Variants in TMC6 observed in about 807,000 individuals in gnomAD.
The protein encoded by TMC6 is transmembrane channel like 6.
In TMC6, 71 loss-of-function variants were observed where a neutral mutation model predicts 95.4. The observed-to-expected ratio is 0.74, with a 90% CI of 0.61 to 0.91. The LOEUF (loss-of-function observed/expected upper bound fraction) is 0.91. Among genes scored for constraint, TMC6 ranks in the 40% least tolerant of loss-of-function variants. The pLI, the probability that TMC6 is intolerant of heterozygous loss-of-function variation, is 0.00. For missense variants in TMC6, 1,074 were observed against 1,079.1 expected (o/e 1.00, Z 0.07); for synonymous variants, 514 against 483.1 (o/e 1.06, Z -0.84).
At position 78,117,622 on chromosome 17, in the gene TMC6, C is replaced by G. The variant is rs1234426664; in HGVS notation, c.2044G>C (p.Gly682Arg). The change falls in exon 17 of 20, where the codon GGC (glycine) becomes CGC (arginine). Residue 682 changes from glycine to arginine, a missense_variant. Coordinates refer to ENST00000590602, the MANE Select transcript of TMC6 (RefSeq NM_001127198.5). ...VWQVKPSSTC[G>R]PFRTLDTMYE... ...ATGGTGTCCAGGGTCCGGAAGGGGC[C>G]GCAGGTGCTCGAGGGCTTCACCCTG... 1 of 1,574,704 alleles carries G rather than the reference C, an allele frequency of 6.4e-7. No individual in the cohort carries two copies. Among genetic ancestry groups the G allele is most frequent in the Non-Finnish European group, 8.6e-7 (1 of 1,161,186 alleles).
intron 18 of TMC6, among the ~76,000 whole-genome samples, chr17:78,115,277 G>A (rs552278689): frequency 9.7e-4 from 147 of 152,284 alleles, no homozygotes; most frequent in African/African-American, 3.3e-3. Context: ...GCTGCACCCC[G>A]CCCTGCCCTC....
intron 18 of TMC6, among the ~76,000 whole-genome samples, chr17:78,114,220 C>G (rs1281475868): frequency 2.6e-5 from 4 of 152,148 alleles, no homozygotes; most frequent in Admixed American, 1.3e-4. Flanking sequence ...CAGCCCTTTC[C>G]TCCACTTCAA....
chr17:78,131,990 G>A, upstream of TMC6: 1 of 1,528,080 alleles, frequency 6.5e-7, no homozygotes, highest in East Asian at 2.5e-5. Context: ...GGCTGGCCCG[G>A]GGCCTTGGGC....
In TMC6 at chr17:78,128,592, C is replaced by T. The variant is rs2074862792; in HGVS notation, c.-75+20G>A. 2 of 152,432 alleles carry T rather than the reference C, an allele frequency of 1.3e-5. No homozygotes were observed. Among genetic ancestry groups the T allele is most frequent in the African/African-American group, 4.8e-5 (2 of 41,456 alleles). 9.4% of individuals were successfully genotyped at this position (152,432 alleles called of 1,614,324 possible). A position where few individuals can be genotyped will look rare whatever the true frequency, so the allele number is the denominator to read the frequency against. On this transcript the variant is annotated intron_variant, in intron 1 of 19. Coordinates refer to ENST00000590602, the MANE Select transcript of TMC6 (RefSeq NM_001127198.5). This position sits in a 1 kb window ranked among gnomAD's most constrained non-coding sequence, Gnocchi z 4.0. ...CAGCTGGGGCTGGCGGGACCCGGGA[C>T]CGGGATCGCGGCCGCTCACCTGGGA...
upstream of TMC6, chr17:78,131,242 A>C (rs564787761): frequency 2.1e-5 from 9 of 427,120 alleles, no homozygotes; most frequent in African/African-American, 1.2e-4. Flanking sequence ...GCCGGTCCAG[A>C]CTTTCTGTGC....
upstream of TMC6, chr17:78,131,871 C>A (rs995531927): frequency 3.1e-5 from 45 of 1,458,828 alleles, no homozygotes; most frequent in South Asian, 1.4e-5. Context: ...CCTGTCACCA[C>A]CCCCGTCCAG....
intron 18 of TMC6, among the ~76,000 whole-genome samples, chr17:78,114,454 A>C (rs1228281640): frequency 6.6e-6 from 1 of 152,120 alleles, no homozygotes; most frequent in Non-Finnish European, 1.5e-5. Context: ...ATCCAGTCTT[A>C]GGACGGGGAC....
intron 9 of TMC6, 125 bp downstream of exon 9, chr17:78,123,864 G>A: frequency 1.6e-6 from 2 of 1,289,006 alleles, no homozygotes; most frequent in Non-Finnish European, 2.2e-6. Context: ...TAGGTGAGTG[G>A]ATGAGAGCAG....
In TMC6 at chr17:78,119,657, CAG is replaced by C. The variant is rs2074311347; in HGVS notation, c.1716-267_1716-266del. On this transcript the variant is annotated intron_variant, in intron 13 of 19. Transcript: ENST00000590602. ...CCAAATGATTTTTTCTTTTTTGAAACAGGGTCTGGCTCTGTTGTCCGGGCTGG... is the reference window on the plus strand; with the variant it reads ...CCAAATGATTTTTTCTTTTTTGAAACGGTCTGGCTCTGTTGTCCGGGCTGG... 6 of 515,982 alleles carry C rather than the reference CAG, an allele frequency of 1.2e-5. No individual in the cohort carries two copies. The East Asian group carries it at 2.2e-4, about 19-fold the overall frequency. The allele number at this position is 515,982 out of a possible 1,614,324, so 32.0% of individuals were successfully genotyped here. A position where few individuals can be genotyped will look rare whatever the true frequency, so the allele number is the denominator to read the frequency against.
Position 78,112,811 on chromosome 17 carries a change from A to C in TMC6, c.*337T>G. On this transcript the variant is annotated 3_prime_UTR_variant, in exon 20 of 20. Coordinates refer to ENST00000590602, the MANE Select transcript of TMC6 (RefSeq NM_001127198.5). ...GGCTTGGCCAGCAGAGGGCGCCCCC[A>C]CTCCAGCTGAGGTTCCCAGGACCCA... 5.0e-6 allele frequency: 2 copies of C among 402,730 alleles called. No individual in the cohort carries two copies. Among genetic ancestry groups the C allele is most frequent in the Admixed American group, 4.3e-5 (1 of 23,282 alleles). The allele number at this position is 402,730 out of a possible 1,614,324, so 24.9% of individuals were successfully genotyped here.
At chr17:78,119,271 G>A in intron 14 of TMC6, 26 bp downstream of exon 14, 2 of 1,612,970 alleles carry the variant, frequency 1.2e-6, no homozygotes, top group Middle Eastern at 1.7e-4. Context: ...GGGCCAGACA[G>A]TAGGAGGCAA....
chr17:78,109,128 T>C lies in TMC6; in HGVS notation c.*4020A>G, dbSNP rs2073772486. On this transcript the variant is annotated 3_prime_UTR_variant, in exon 20 of 20. Coordinates refer to ENST00000590602, the MANE Select transcript of TMC6 (RefSeq NM_001127198.5). ...GCCCAGCCTTTGTTGTTGTTGTTGT[T>C]GCTGCTATTTTGGCAACATCACGGC... The C allele has an allele frequency of 3.7e-6, 1 of 269,868 alleles. No individual in the cohort carries two copies. Among genetic ancestry groups the C allele is most frequent in the Non-Finnish European group, 7.4e-6 (1 of 135,968 alleles). The allele number at this position is 269,868 out of a possible 1,614,324, so 16.7% of individuals were successfully genotyped here.
intron 15 of TMC6, among the ~76,000 whole-genome samples, chr17:78,118,595 G>A (rs1444526878): frequency 6.6e-6 from 1 of 152,172 alleles, no homozygotes; most frequent in Non-Finnish European, 1.5e-5. Flanking sequence ...GCCAGGATGG[G>A]AAGAAAGGTC....
upstream of TMC6, among the ~76,000 whole-genome samples, chr17:78,129,972 T>G (rs1490185948): frequency 6.6e-6 from 1 of 152,088 alleles, no homozygotes; most frequent in Non-Finnish European, 1.5e-5. The surrounding 1 kb of genome is among the most constrained non-coding windows in gnomAD (Gnocchi z 4.3). Flanking sequence ...CAGAAAGGAC[T>G]CTGGAAACCA....
Position 78,117,355 on chromosome 17 carries a change from AGAGGGGCTGTCGGGCAG to A in TMC6, c.2199-25_2199-9del, listed in dbSNP as rs769474581. On this transcript the variant is annotated splice_polypyrimidine_tract_variant and intron_variant, in intron 17 of 19. Transcript: ENST00000590602. ...TTGAGGTAGATCACGGCCCTGCGGG[AGAGGGGCTGTCGGGCAG>A]GGCCCAGGGCCACAGCCCGGGAGCG... 4 of 1,613,154 alleles carry A rather than the reference AGAGGGGCTGTCGGGCAG, an allele frequency of 2.5e-6. No individual in the cohort carries two copies. The highest frequency in any genetic ancestry group is 2.5e-6 in the Non-Finnish European group (3 of 1,179,944).
intron 4 of TMC6, 30 bp from the exon 5 acceptor site, chr17:78,125,914 G>GGGCAGGGCCAGGCCT (rs1568002430): frequency 2.1e-5 from 32 of 1,549,746 alleles, no homozygotes; most frequent in Non-Finnish European, 2.8e-5. Flanking sequence ...GGGCCGGGCC[G>GGGCAGGGCCAGGCCT]GGCAGGGCCA....
chr17:78,123,051 C>T, intron 9 of TMC6: 1 of 507,678 alleles, frequency 2.0e-6, no homozygotes, highest in Non-Finnish European at 3.6e-6. Context: ...CACCTCAGGG[C>T]CTTTGCACTG....
At chr17:78,130,412 G>A (rs1226350835), upstream of TMC6, among the ~76,000 whole-genome samples, 1 of 152,226 alleles carries the variant, frequency 6.6e-6, no homozygotes, top group Non-Finnish European at 1.5e-5. Flanking sequence ...CAGGCCTCGA[G>A]GTCAAGTCCT....
rs1440549784 is a variant in TMC6 at position 78,109,696 on chromosome 17, A to G, written c.*3452T>C. 1 of 383,302 alleles carries G rather than the reference A, an allele frequency of 2.6e-6. No individual in the cohort carries two copies. The highest frequency in any genetic ancestry group is 5.3e-6 in the Non-Finnish European group (1 of 188,672). 23.7% of individuals were successfully genotyped at this position (383,302 alleles called of 1,614,324 possible). ...GCGTGAGTGCATGCATGCGTTTGTGACAGCCTGGTGCTCGGATGGGCCCAG... is the reference window on the plus strand; with the variant it reads ...GCGTGAGTGCATGCATGCGTTTGTGGCAGCCTGGTGCTCGGATGGGCCCAG... On this transcript the variant is annotated 3_prime_UTR_variant, in exon 20 of 20. Transcript: ENST00000590602.
Sources: gnomAD v4.1 joint callset for allele counts (sites outside exome capture counted in the v4.1 genomes callset) on GRCh38, gnomAD v4.1.1 for gene constraint, Gnocchi (gnomAD v3.1) non-coding constraint, MANE v1.5 for transcripts, NCBI Gene and HGNC (gene_info 2026-07-23, HGNC 2026-07-21) for gene names.